Variants in ZMYM2 observed in about 807,000 individuals in gnomAD.
ZMYM2 encodes the protein zinc finger MYM-type protein 2.
ZMYM2 carries 56 observed loss-of-function variants against 162.8 expected under a neutral mutation model. The observed-to-expected ratio is 0.34, with a 90% CI of 0.28 to 0.43. ZMYM2 has a LOEUF of 0.43. Ranked by LOEUF, ZMYM2 falls within the 20% of genes least tolerant of loss-of-function variation. The pLI, the probability that ZMYM2 is intolerant of heterozygous loss-of-function variation, is 1.00. For synonymous variants in ZMYM2, 510 were observed against 541.6 expected, an observed-to-expected ratio of 0.94 and a Z score of 0.81; for missense variants, 1,275 against 1,621.8, an observed-to-expected ratio of 0.79 and a Z score of 3.67.
the ZMYM2 span, among the ~76,000 whole-genome samples, chr13:19,928,796 CA>C: frequency 0.21 from 23,546 of 112,002 alleles, 2,771 homozygotes; most frequent in African/African-American, 0.41. Context: ...GACTCTGTCT[CA>C]AAAAAAAAAA....
intron 6 of ZMYM2, among the ~76,000 whole-genome samples, chr13:20,013,879 C>G (rs1229022532): frequency 6.6e-6 from 1 of 152,042 alleles, no homozygotes; most frequent in East Asian, 1.9e-4. Flanking sequence ...ATACTGGTCT[C>G]TGATTTTCTT....
At chr13:20,068,009 G>A (rs1956807108) in intron 21 of ZMYM2, 1 of 166,658 alleles carries the variant, frequency 6.0e-6, no homozygotes, top group Admixed American at 6.4e-5. Context: ...CTGCTAACAG[G>A]TGTTAGATAA....
intron 21 of ZMYM2, among the ~76,000 whole-genome samples, chr13:20,071,378 A>G (rs1369003131): frequency 6.6e-6 from 1 of 152,268 alleles, no homozygotes; most frequent in Non-Finnish European, 1.5e-5. Flanking sequence ...AAGCAGCGAA[A>G]GCAGAAATTT....
intron 21 of ZMYM2, among the ~76,000 whole-genome samples, chr13:20,079,688 G>C (rs1437367608): frequency 6.6e-6 from 1 of 152,172 alleles, no homozygotes. Context: ...AAGAACAGCA[G>C]ATCATTTATC....
intron 2 of ZMYM2, among the ~76,000 whole-genome samples, chr13:19,992,776 G>A (rs1949726766): frequency 6.6e-6 from 1 of 151,890 alleles, no homozygotes; most frequent in South Asian, 2.1e-4. Flanking sequence ...GGAGGTGGTG[G>A]TGGTGGTAGG....
At chr13:19,884,653 G>C in the ZMYM2 span, among the ~76,000 whole-genome samples, 1 of 151,980 alleles carries the variant, frequency 6.6e-6, no homozygotes, top group African/African-American at 2.4e-5. Context: ...TGGTCCTTCC[G>C]GTGTGCCATA....
At chr13:19,932,368 C>A in the ZMYM2 span, among the ~76,000 whole-genome samples, 3 of 152,174 alleles carry the variant, frequency 2.0e-5, no homozygotes, top group East Asian at 3.9e-4. Flanking sequence ...ACACCAGAGG[C>A]CGGGCATGGT....
the ZMYM2 span, among the ~76,000 whole-genome samples, chr13:19,877,054 T>C: frequency 1.3e-5 from 2 of 151,930 alleles, no homozygotes; most frequent in African/African-American, 4.8e-5. Flanking sequence ...CTACTAAAAA[T>C]ACAAAAAATT....
chr13:19,993,309 A>G lies in ZMYM2; in HGVS notation c.237A>G (p.Gln79=). 1.9e-6 allele frequency: 3 copies of G among 1,614,004 alleles called. No individual in the cohort carries two copies. Among genetic ancestry groups the G allele is most frequent in the Non-Finnish European group, 2.5e-6 (3 of 1,179,888 alleles). ...PPPSVPVVAD[Q]RTITFTSSKN... is the part of the protein sequence containing the mutation. The stretch of plus-strand genomic sequence containing the variant: ...CTTCTGTACCAGTGGTAGCTGATCA[A>G]AGAACCATAACATTTACATCATCAA... The change falls in exon 3 of 25, where the codon CAA becomes CAG. Residue 79 remains glutamine, a synonymous_variant. Coordinates refer to ENST00000610343, the MANE Select transcript of ZMYM2 (RefSeq NM_197968.4).
At chr13:19,872,053 T>C in the ZMYM2 span, among the ~76,000 whole-genome samples, 1 of 152,056 alleles carries the variant, frequency 6.6e-6, no homozygotes, top group East Asian at 1.9e-4. Context: ...CATTGCATCC[T>C]TGACCTCCTG....
the ZMYM2 span, among the ~76,000 whole-genome samples, chr13:19,887,005 T>G: frequency 6.6e-6 from 1 of 151,732 alleles, no homozygotes; most frequent in Non-Finnish European, 1.5e-5. Context: ...ATTCCCCTGG[T>G]GTAAATTAAC....
At chr13:19,985,737 G>A (rs1020195612) in intron 2 of ZMYM2, among the ~76,000 whole-genome samples, 1 of 151,658 alleles carries the variant, frequency 6.6e-6, no homozygotes, top group African/African-American at 2.4e-5. Flanking sequence ...TTGGCCGGGC[G>A]TGGTGGCACG....
chr13:19,866,436 C>G, the ZMYM2 span, among the ~76,000 whole-genome samples: 1 of 152,044 alleles, frequency 6.6e-6, no homozygotes, highest in Non-Finnish European at 1.5e-5. Context: ...AAGGCCGAGA[C>G]GGGCAGATCA....
At chr13:20,059,747 A>C (rs1415695327) in intron 16 of ZMYM2, among the ~76,000 whole-genome samples, 185 bp downstream of exon 16, 1 of 152,078 alleles carries the variant, frequency 6.6e-6, no homozygotes, top group Non-Finnish European at 1.5e-5. Context: ...ATCCGTGACC[A>C]AACACAGACT....
chr13:20,005,246 AT>A lies in ZMYM2; in HGVS notation c.1299+15del, dbSNP rs563583187. The A allele has an allele frequency of 1.4e-3, 2,059 of 1,511,636 alleles. 2 individuals carry two copies. Among genetic ancestry groups the A allele is most frequent in the Non-Finnish European group, 1.7e-3 (1,885 of 1,136,786 alleles). The allele number at this position is 1,511,636 out of a possible 1,614,324, so 93.6% of individuals were successfully genotyped here. On this transcript the variant is annotated splice_region_variant and intron_variant, in intron 5 of 24. Coordinates refer to ENST00000610343, the MANE Select transcript of ZMYM2 (RefSeq NM_197968.4). ...CTGTGGTAAACTAACTGAGGTTTGT[AT>A]TTTTTTTCTTTATCATTTAATTCTA...
intron 3 of ZMYM2, among the ~76,000 whole-genome samples, chr13:19,996,806 A>T (rs1230496667): frequency 6.6e-6 from 1 of 152,196 alleles, no homozygotes; most frequent in African/African-American, 2.4e-5. Context: ...AGGTTGTTTT[A>T]AGTCTGGGAG....
chr13:19,927,197 A>G, the ZMYM2 span, among the ~76,000 whole-genome samples: 1 of 152,178 alleles, frequency 6.6e-6, no homozygotes, highest in Admixed American at 6.6e-5. Context: ...TATTAAAAAA[A>G]TTGTAACATA....
chr13:20,055,533 G>A (rs552763027), intron 14 of ZMYM2, among the ~76,000 whole-genome samples: 1 of 152,290 alleles, frequency 6.6e-6, no homozygotes, highest in South Asian at 2.1e-4. Flanking sequence ...TGGTGTTGAA[G>A]TGCTGTCTAG....
chr13:19,937,907 C>T, the ZMYM2 span, among the ~76,000 whole-genome samples: 1 of 151,058 alleles, frequency 6.6e-6, no homozygotes, highest in Non-Finnish European at 1.5e-5. Flanking sequence ...TTTGTCCTTG[C>T]GATAGTTTGC....
Sources: allele counts gnomAD v4.1 joint callset (sites outside exome capture counted in the v4.1 genomes callset), GRCh38; gene constraint gnomAD v4.1.1; transcripts MANE v1.5; gene names NCBI Gene and HGNC (gene_info 2026-07-23, HGNC 2026-07-21).